Variants in SLC25A48 observed in about 807,000 individuals in gnomAD.
SLC25A48 encodes the protein solute carrier family 25 member 48, also known as CTC-321K16.1.
A neutral mutation model predicts 32.2 loss-of-function variants in SLC25A48; 29 were observed. The observed-to-expected ratio is 0.90, with a 90% CI of 0.67 to 1.23. The LOEUF (loss-of-function observed/expected upper bound fraction) is 1.23, where lower values mean the gene tolerates loss of function less well. Among genes scored for constraint, SLC25A48 ranks in the 50% most tolerant of loss-of-function variants. The pLI, the probability that SLC25A48 is intolerant of heterozygous loss-of-function variation, is 0.00. For synonymous variants in SLC25A48, 164 were observed against 172.3 expected (o/e 0.95, Z 0.38); for missense variants, 399 against 422.7 (o/e 0.94, Z 0.49).
intron 1 of SLC25A48, among the ~76,000 whole-genome samples, chr5:135,839,088 A>G (rs1378880452): frequency 6.6e-6 from 1 of 152,184 alleles, no homozygotes; most frequent in African/African-American, 2.4e-5. Flanking sequence ...ATTATTTTTT[A>G]AAAAAGAAAC....
At chr5:135,732,067 C>T (rs1755238628) in intron 3 of SLC25A48, among the ~76,000 whole-genome samples, 2 of 152,348 alleles carry the variant, frequency 1.3e-5, no homozygotes, top group Admixed American at 6.5e-5. Flanking sequence ...ATGGGCTGTA[C>T]CCTGTAGCAT....
intron 3 of SLC25A48, among the ~76,000 whole-genome samples, chr5:135,740,403 C>G (rs1041826976): frequency 3.9e-5 from 6 of 152,208 alleles, no homozygotes; most frequent in Admixed American, 3.9e-4. Flanking sequence ...CCATGTTGGT[C>G]AGGCTGGTCT....
upstream of SLC25A48, among the ~76,000 whole-genome samples, chr5:135,829,759 G>C (rs1758156019): frequency 6.6e-6 from 1 of 151,974 alleles, no homozygotes; most frequent in Non-Finnish European, 1.5e-5. Flanking sequence ...CTAGGAGGCA[G>C]CACTTTTTTT....
At chr5:135,633,468 G>A (rs753385683) in intron 2 of SLC25A48, among the ~76,000 whole-genome samples, 2 of 151,918 alleles carry the variant, frequency 1.3e-5, no homozygotes, top group South Asian at 2.1e-4. Flanking sequence ...GACTCTCAGT[G>A]CACATGCCAG....
At chr5:135,845,320 C>T (rs1426530991) in intron 2 of SLC25A48, among the ~76,000 whole-genome samples, 2 of 152,242 alleles carry the variant, frequency 1.3e-5, no homozygotes, top group African/African-American at 4.8e-5. Flanking sequence ...GGATTTAGCA[C>T]AATTTACAGG....
chr5:135,709,867 C>G (rs1421834073), intron 3 of SLC25A48, among the ~76,000 whole-genome samples: 11 of 152,118 alleles, frequency 7.2e-5, no homozygotes, highest in Admixed American at 7.2e-4. Context: ...TCCATCATTC[C>G]TCAACTGCAC....
intron 1 of SLC25A48, among the ~76,000 whole-genome samples, chr5:135,611,202 A>C (rs1752055548): frequency 6.6e-6 from 1 of 152,190 alleles, no homozygotes; most frequent in Non-Finnish European, 1.5e-5. Flanking sequence ...CTACGGTGCA[A>C]AGAATGTTTT....
At chr5:135,829,644 C>T (rs549786005) in intron 4 of SLC25A48, among the ~76,000 whole-genome samples, 2 of 117,674 alleles carry the variant, frequency 1.7e-5, no homozygotes, top group South Asian at 2.9e-4. Flanking sequence ...TACCATCACA[C>T]TGATAGTGGA....
chr5:135,817,634 T>C (rs530541035), intron 4 of SLC25A48, among the ~76,000 whole-genome samples: 1 of 152,310 alleles, frequency 6.6e-6, no homozygotes, highest in African/African-American at 2.4e-5. Flanking sequence ...AAAGATTTCT[T>C]AGATAGCATA....
intron 1 of SLC25A48, among the ~76,000 whole-genome samples, chr5:135,612,427 A>G (rs1752094968): frequency 6.6e-6 from 1 of 152,184 alleles, no homozygotes; most frequent in African/African-American, 2.4e-5. Context: ...TTTGAACCAT[A>G]CAATTTATTG....
intron 3 of SLC25A48, among the ~76,000 whole-genome samples, chr5:135,687,673 C>G (rs931925237): frequency 1.3e-5 from 2 of 152,086 alleles, no homozygotes; most frequent in African/African-American, 4.8e-5. Flanking sequence ...TCTTTGTAAA[C>G]AGACATTGTT....
At chr5:135,850,560 CCACAGCCCCA>C in intron 3 of SLC25A48, 64 bp downstream of exon 3, 1 of 1,487,792 alleles carries the variant, frequency 6.7e-7, no homozygotes, top group South Asian at 1.1e-5. Flanking sequence ...GGGACCAGGG[CCACAGCCCCA>C]CACCAGCATG....
chr5:135,702,645 G>C (rs1241559086), intron 3 of SLC25A48, among the ~76,000 whole-genome samples: 1 of 152,244 alleles, frequency 6.6e-6, no homozygotes, highest in African/African-American at 2.4e-5. Flanking sequence ...TTACAGTCAG[G>C]AGAGTCTGGA....
rs375094383 is a variant in SLC25A48 at position 135,759,477 on chromosome 5, A to G, written c.-520-53046A>G. On this transcript the variant is annotated intron_variant, in intron 3 of 10. Coordinates refer to the SLC25A48 transcript ENST00000646290. ...TTTCTCGTGCAATTTCTTTAAGTCA[A>G]GTTTATTGAGGTACAATGTTCACGC... Among the ~76,000 whole-genome samples the G allele has an allele frequency of 2.6e-5, 4 of 152,264 alleles. No individual in the cohort carries two copies. In the East Asian group the frequency reaches 7.7e-4, roughly 29 times the overall value.
At chr5:135,860,953 T>C (rs1307504971) in intron 4 of SLC25A48, among the ~76,000 whole-genome samples, 4 of 152,150 alleles carry the variant, frequency 2.6e-5, no homozygotes, top group Non-Finnish European at 5.9e-5. Flanking sequence ...CTCAGGTGGT[T>C]GGGGGACTGG....
Position 135,786,503 on chromosome 5 carries a change from G to T in SLC25A48, c.-520-26020G>T, listed in dbSNP as rs142731625. On this transcript the variant is annotated intron_variant, in intron 3 of 10. Coordinates refer to the SLC25A48 transcript ENST00000646290. The stretch of plus-strand genomic sequence containing the variant: ...AATTATCTGTAATATTCTAGGGGTT[G>T]TTTGTCTTAATGTCACCGTGGCTGT... Among the ~76,000 whole-genome samples the T allele has an allele frequency of 8.7e-3, 1,318 of 152,182 alleles. 12 individuals carry two copies. Among genetic ancestry groups the T allele is most frequent in the Middle Eastern group, 0.02 (6 of 294 alleles).
Position 135,842,415 on chromosome 5 carries a change from G to A in SLC25A48, c.47-1G>A, listed in dbSNP as rs1373077173. The stretch of plus-strand genomic sequence containing the variant: ...ACTAGGCATTCTTTTTTGATCCACA[G>A]GTGCAGCCAGTGTCATCGTTGGCCA... On this transcript the variant is annotated splice_acceptor_variant, in intron 1 of 7. Coordinates refer to ENST00000681962, the MANE Select transcript of SLC25A48 (RefSeq NM_001349336.2). LOFTEE classifies it high-confidence loss of function. 2 of 1,613,680 alleles carry A rather than the reference G, an allele frequency of 1.2e-6. No homozygotes were observed. The highest frequency in any genetic ancestry group is 1.3e-5 in the African/African-American group (1 of 74,920).
chr5:135,797,421 A>G (rs1757213520), intron 3 of SLC25A48, among the ~76,000 whole-genome samples: 1 of 151,878 alleles, frequency 6.6e-6, no homozygotes. Flanking sequence ...GGGGGTGTAC[A>G]CCCTTGCTGT....
At chr5:135,599,048 C>T (rs1214131178) in intron 1 of SLC25A48, among the ~76,000 whole-genome samples, 2 of 151,888 alleles carry the variant, frequency 1.3e-5, no homozygotes, top group Admixed American at 6.6e-5. Flanking sequence ...TCGTCATGGC[C>T]AGGAACTCAC....
Sources: allele counts gnomAD v4.1 joint callset (sites outside exome capture counted in the v4.1 genomes callset), GRCh38; gene constraint gnomAD v4.1.1; transcripts MANE v1.5; gene names NCBI Gene and HGNC (gene_info 2026-07-23, HGNC 2026-07-21).